PLEKHS1: variants seen among roughly 807,000 people sequenced by gnomAD.
The protein encoded by PLEKHS1 is pleckstrin homology domain-containing family S member 1.
PLEKHS1 carries 55 observed loss-of-function variants against 51.0 expected under a neutral mutation model. The ratio of observed to expected loss-of-function variants is 1.08; its 90% CI spans 0.87 to 1.35. The LOEUF (loss-of-function observed/expected upper bound fraction) is 1.35, where lower values mean the gene tolerates loss of function less well. Among genes scored for constraint, PLEKHS1 ranks in the 40% most tolerant of loss-of-function variants. The pLI is 0.00. For synonymous variants in PLEKHS1, 153 were observed against 144.8 expected, an observed-to-expected ratio of 1.06 and a Z score of -0.41; for missense variants, 398 against 423.0, an observed-to-expected ratio of 0.94 and a Z score of 0.52.
intron 7 of PLEKHS1, among the ~76,000 whole-genome samples, chr10:113,770,215 G>T (rs1422803297): frequency 6.6e-6 from 1 of 152,180 alleles, no homozygotes; most frequent in Non-Finnish European, 1.5e-5. Context: ...AGAGGGCACA[G>T]ATCCCTCTGC....
intron 1 of PLEKHS1, among the ~76,000 whole-genome samples, chr10:113,754,057 C>CTCAA (rs1853981366): frequency 6.6e-6 from 1 of 152,162 alleles, no homozygotes; most frequent in Admixed American, 6.5e-5. Flanking sequence ...ATCCGCCCAC[C>CTCAA]TCAACCTCCC....
intron 10 of PLEKHS1, 91 bp from the exon 11 acceptor site, chr10:113,775,674 C>T: frequency 1.3e-6 from 1 of 752,392 alleles, no homozygotes; most frequent in Non-Finnish European, 2.2e-6. Flanking sequence ...AATGTCATCT[C>T]AGAAATAGAG....
At chr10:113,756,079 A>C (rs907211087) in intron 2 of PLEKHS1, among the ~76,000 whole-genome samples, 1 of 152,242 alleles carries the variant, frequency 6.6e-6, no homozygotes, top group African/African-American at 2.4e-5. Context: ...GGATGAAGTC[A>C]CTTAGAAGTT....
chr10:113,769,024 A>G (rs1844285483), intron 6 of PLEKHS1, 134 bp downstream of exon 6: 2 of 579,500 alleles, frequency 3.5e-6, no homozygotes, highest in East Asian at 6.3e-5. Context: ...GAAAATGTAC[A>G]TCCTTATTAC....
chr10:113,765,135 C>T (rs941448237), intron 2 of PLEKHS1: 20 of 404,464 alleles, frequency 4.9e-5, no homozygotes, highest in South Asian at 2.1e-4. Context: ...TGCCAAACAT[C>T]GCAAATTTTA....
At chr10:113,769,813 C>G (rs375805273) in exon 7 of PLEKHS1, 94 of 1,613,702 alleles carry the variant, frequency 5.8e-5, no homozygotes, top group Admixed American at 1.7e-4. Context: ...ATAAAAGAAC[C>G]CTCTTCTACT....
chr10:113,769,990 T>C (rs1844333091), intron 7 of PLEKHS1, 90 bp downstream of exon 7: 1 of 917,672 alleles, frequency 1.1e-6, no homozygotes, highest in South Asian at 1.3e-5. Flanking sequence ...AATTTAACCA[T>C]GCCCACCTTC....
At chr10:113,754,162 G>T (rs1410387290) in intron 1 of PLEKHS1, among the ~76,000 whole-genome samples, 1 of 152,084 alleles carries the variant, frequency 6.6e-6, no homozygotes, top group Non-Finnish European at 1.5e-5. Context: ...CGTAATTAAA[G>T]AATTGCTGTA....
Position 113,774,816 on chromosome 10 carries a change from T to C in PLEKHS1, c.780-10T>C, listed in dbSNP as rs1175840098. 6.2e-7 allele frequency: 1 copy of C among 1,611,000 alleles called. No homozygotes were observed. Among genetic ancestry groups the C allele is most frequent in the African/African-American group, 1.3e-5 (1 of 74,814 alleles). Reference sequence around the variant, plus strand: ...TAAAATAGGGCTTGTTTTAACTTCTTATGCTCTAGTTTTTTCAAAGAGACA... The same window carrying C: ...TAAAATAGGGCTTGTTTTAACTTCTCATGCTCTAGTTTTTTCAAAGAGACA... On this transcript the variant is annotated splice_polypyrimidine_tract_variant and intron_variant, in intron 9 of 11. Coordinates refer to ENST00000361048, the Ensembl canonical transcript of PLEKHS1.
At chr10:113,772,018 G>T (rs762357261) in exon 8 of PLEKHS1, 14 of 1,613,766 alleles carry the variant, frequency 8.7e-6, no homozygotes, top group Non-Finnish European at 1.2e-5. Flanking sequence ...TCACCTACAA[G>T]ATTTATCAGA....
chr10:113,762,051 G>A (rs1843954475), intron 2 of PLEKHS1, among the ~76,000 whole-genome samples: 2 of 152,110 alleles, frequency 1.3e-5, no homozygotes, highest in Middle Eastern at 3.4e-3. Context: ...TGTTGGTGTA[G>A]TTCAAGGAAT....
chr10:113,752,193 T>G (rs2134450602), intron 1 of PLEKHS1, among the ~76,000 whole-genome samples: 1 of 152,348 alleles, frequency 6.6e-6, no homozygotes, highest in East Asian at 1.9e-4. Flanking sequence ...CTGCTTCTTT[T>G]TAATTACATG....
exon 9 of PLEKHS1, chr10:113,774,333 A>G: frequency 6.5e-7 from 1 of 1,550,142 alleles, no homozygotes; most frequent in South Asian, 1.2e-5. Flanking sequence ...ATGGAATCCT[A>G]GTAAGTCAAA....
chr10:113,769,177 A>T (rs1168932221), intron 6 of PLEKHS1, among the ~76,000 whole-genome samples: 1 of 152,264 alleles, frequency 6.6e-6, no homozygotes, highest in Non-Finnish European at 1.5e-5. Context: ...AGTATTTTCC[A>T]TCATTGTTAT....
intron 11 of PLEKHS1, 96 bp downstream of exon 11, chr10:113,775,962 C>T (rs1286250351): frequency 1.3e-5 from 12 of 909,058 alleles, no homozygotes; most frequent in Non-Finnish European, 1.6e-5. Flanking sequence ...GCAACACTGA[C>T]TAGGTTTGGG....
exon 8 of PLEKHS1, chr10:113,772,063 C>T (rs1844435900): frequency 1.9e-6 from 3 of 1,613,158 alleles, no homozygotes; most frequent in Non-Finnish European, 2.5e-6. Context: ...GAATCATTAT[C>T]TTACTCCTCG....
downstream of PLEKHS1, chr10:113,782,697 G>A (rs1844896333): frequency 6.6e-6 from 1 of 152,556 alleles, no homozygotes; most frequent in Admixed American, 6.5e-5. Context: ...TGCCACAAGT[G>A]AAAGCTTCCT....
chr10:113,775,154 C>A, intron 10 of PLEKHS1, 119 bp downstream of exon 10: 5 of 920,102 alleles, frequency 5.4e-6, no homozygotes, highest in East Asian at 2.7e-5. Flanking sequence ...CCAAGTCAGC[C>A]AAAAACTTGA....
At chr10:113,780,753 A>G in exon 12 of PLEKHS1, 2 of 1,572,234 alleles carry the variant, frequency 1.3e-6, no homozygotes, top group Non-Finnish European at 1.7e-6. Context: ...GCCATTAAAA[A>G]GAGCCAGCAG....
Sources: allele counts gnomAD v4.1 joint callset (sites outside exome capture counted in the v4.1 genomes callset), GRCh38; gene constraint gnomAD v4.1.1; transcripts MANE v1.5; gene names NCBI Gene and HGNC (gene_info 2026-07-23, HGNC 2026-07-21).